Variants in BRWD1 observed in about 807,000 individuals in gnomAD.
BRWD1 encodes bromodomain and WD repeat-containing protein 1.
In BRWD1, 82 loss-of-function variants were observed where a neutral mutation model predicts 251.2. That is an observed-to-expected ratio of 0.33 (90% confidence interval 0.27 to 0.39). The LOEUF (loss-of-function observed/expected upper bound fraction) is 0.39. Ranked by LOEUF, BRWD1 falls within the 10% of genes least tolerant of loss-of-function variation. The probability of loss-of-function intolerance (pLI) is 1.00; values close to 1 mark genes in which losing one functional copy is unlikely to be tolerated. For missense variants in BRWD1, 2,233 were observed against 2,711.6 expected, an observed-to-expected ratio of 0.82 and a Z score of 3.92; for synonymous variants, 918 against 902.8, an observed-to-expected ratio of 1.02 and a Z score of -0.30.
At chr21:39,243,438 T>C (rs974760994) in intron 21 of BRWD1, among the ~76,000 whole-genome samples, 1 of 152,136 alleles carries the variant, frequency 6.6e-6, no homozygotes, top group Non-Finnish European at 1.5e-5. Context: ...ATATTGTTGT[T>C]TATTGCCTCA....
intron 4 of BRWD1, among the ~76,000 whole-genome samples, chr21:39,303,897 T>C (rs557358356): frequency 2.0e-5 from 3 of 151,122 alleles, no homozygotes; most frequent in East Asian, 2.0e-4. Flanking sequence ...ATCCCAGCAC[T>C]ATGGGATCCT....
chr21:39,278,908 T>A (rs1334216008), intron 9 of BRWD1, 95 bp from the exon 10 acceptor site: 1 of 998,890 alleles, frequency 1.0e-6, no homozygotes, highest in Admixed American at 3.0e-5. Flanking sequence ...TTAAATATTA[T>A]AATTTTTTAA....
chr21:39,296,254 A>G lies in BRWD1; in HGVS notation c.448+11T>C, dbSNP rs773667671. 1.9e-6 allele frequency: 3 copies of G among 1,582,224 alleles called. No individual in the cohort carries two copies. Among genetic ancestry groups the G allele is most frequent in the South Asian group, 2.4e-5 (2 of 84,708 alleles). ...ATTATTTCAGGCATCTCAAAGGCCA[A>G]CCTTACTTACCAAGATTTGGTGGGG... is the stretch of plus-strand genomic sequence containing the variant. On this transcript the variant is annotated intron_variant, in intron 6 of 40. Coordinates refer to ENST00000342449, the MANE Select transcript of BRWD1 (RefSeq NM_033656.4).
At chr21:39,302,257 TACAGGCGTGAGCCAC>T (rs1292740774) in intron 4 of BRWD1, among the ~76,000 whole-genome samples, 1 of 152,090 alleles carries the variant, frequency 6.6e-6, no homozygotes, top group Non-Finnish European at 1.5e-5. Context: ...GTGCTGGGAT[TACAGGCGTGAGCCAC>T]CAAGCCCAGC....
chr21:39,306,021 A>G (rs2036275942), intron 4 of BRWD1, among the ~76,000 whole-genome samples: 2 of 151,972 alleles, frequency 1.3e-5, no homozygotes, highest in Non-Finnish European at 2.9e-5. Context: ...CTGGACAACA[A>G]GAGACCCAAA....
At chr21:39,276,139 A>AAC (rs149667995) in intron 12 of BRWD1, 34 bp downstream of exon 12, 19,523 of 1,543,070 alleles carry the variant, frequency 0.013, 67 homozygotes, top group Non-Finnish European at 0.015. Flanking sequence ...TTTGCCTAAT[A>AAC]ACACACACAC....
chr21:39,304,853 T>C (rs1005069684), intron 4 of BRWD1, among the ~76,000 whole-genome samples: 5 of 151,840 alleles, frequency 3.3e-5, no homozygotes, highest in Admixed American at 3.3e-4. Context: ...TTCTAATATT[T>C]AAGGTCAATT....
At chr21:39,265,560 C>T (rs1034278395) in intron 15 of BRWD1, among the ~76,000 whole-genome samples, 1 of 152,196 alleles carries the variant, frequency 6.6e-6, no homozygotes, top group African/African-American at 2.4e-5. Context: ...ATTAGTTCTC[C>T]AAGTGCTCCA....
At chr21:39,286,272 C>T (rs1436700656) in intron 8 of BRWD1, among the ~76,000 whole-genome samples, 2 of 152,052 alleles carry the variant, frequency 1.3e-5, no homozygotes, top group African/African-American at 4.8e-5. Flanking sequence ...CCCGCCTCGG[C>T]CTCCCAAAGT....
In BRWD1 at chr21:39,195,112, C is replaced by A. The variant is rs1001525061; in HGVS notation, c.*1147G>T. The A allele has an allele frequency of 2.5e-6, 3 of 1,179,908 alleles. No individual in the cohort carries two copies. The highest frequency in any genetic ancestry group is 1.1e-6 in the Non-Finnish European group (1 of 950,866). 73.1% of individuals were successfully genotyped at this position (1,179,908 alleles called of 1,614,324 possible). ...AAAATTATTTTCCCACAAAACATGA[C>A]AGTTTCTTATATTTGGACTAGAAGT... On this transcript the variant is annotated 3_prime_UTR_variant, in exon 41 of 41. Transcript: ENST00000342449.
upstream of BRWD1, chr21:39,314,083 A>T (rs777393040): frequency 2.2e-6 from 1 of 455,996 alleles, no homozygotes; most frequent in South Asian, 1.5e-5. Flanking sequence ...CGGAAGGGTC[A>T]TTTCACGGAC....
chr21:39,307,608 A>C (rs545718448), intron 4 of BRWD1, among the ~76,000 whole-genome samples: 2 of 152,316 alleles, frequency 1.3e-5, no homozygotes, highest in South Asian at 4.1e-4. Flanking sequence ...TACCATTTTA[A>C]GTACTCTACA....
intron 19 of BRWD1, among the ~76,000 whole-genome samples, chr21:39,254,905 G>A (rs2034511705): frequency 6.6e-6 from 1 of 152,060 alleles, no homozygotes; most frequent in African/African-American, 2.4e-5. Context: ...TGAAACAACT[G>A]GAAATTTAAA....
rs2031851059 is a variant in BRWD1, at chr21:39,196,902, G to A, written c.6167C>T (p.Ser2056Leu). ...SSSVTSSGED[S>L]KSHIPGSETD... ...CTCACTCCCTGGAATATGACTTTTT[G>A]AATCTTCTCCTGAAGATGTAACAGA... is the stretch of plus-strand genomic sequence containing the variant. Residue 2056 changes from serine to leucine, a missense_variant, in exon 41 of 41, where the codon TCA becomes TTA. This residue lies in a region of BRWD1 where 928 missense variants were observed against 970.0 expected (regional missense o/e 0.96). Transcript: ENST00000342449. 1.2e-6 allele frequency: 2 copies of A among 1,613,790 alleles called. No homozygotes were observed. Among genetic ancestry groups the A allele is most frequent in the African/African-American group, 2.7e-5 (2 of 75,022 alleles).
Position 39,195,330 on chromosome 21 carries a change from A to C in BRWD1, c.*929T>G, listed in dbSNP as rs2146450131. 2 of 999,798 alleles carry C rather than the reference A, an allele frequency of 2.0e-6. No homozygotes were observed. Among genetic ancestry groups the C allele is most frequent in the Middle Eastern group, 5.1e-4 (1 of 1,958 alleles). The allele number at this position is 999,798 out of a possible 1,614,324, so 61.9% of individuals were successfully genotyped here. The stretch of plus-strand genomic sequence containing the variant: ...ATGGGGGAAACCTACATATTAACTT[A>C]AATACTCTTTTAGCCCTGTACACTC... On this transcript the variant is annotated 3_prime_UTR_variant, in exon 41 of 41. Transcript: ENST00000342449.
intron 4 of BRWD1, among the ~76,000 whole-genome samples, chr21:39,304,263 G>A (rs1383380729): frequency 6.8e-6 from 1 of 146,040 alleles, no homozygotes; most frequent in African/African-American, 2.6e-5. Context: ...AAAGAATAAA[G>A]AAAAAATGAG....
At chr21:39,290,491 A>AAAT (rs1491141780) in intron 8 of BRWD1, among the ~76,000 whole-genome samples, 1 of 100,798 alleles carries the variant, frequency 9.9e-6, no homozygotes, top group Non-Finnish European at 2.0e-5. Flanking sequence ...ACTCCGTCTC[A>AAAT]AAAAAAAAAA....
intron 17 of BRWD1, among the ~76,000 whole-genome samples, chr21:39,260,985 G>A (rs1314974361): frequency 1.3e-5 from 2 of 152,176 alleles, no homozygotes; most frequent in African/African-American, 2.4e-5. Flanking sequence ...TGCACTTTGG[G>A]AGGCTGAGGT....
At position 39,252,096 on chromosome 21, in the gene BRWD1, G is replaced by A. The variant is rs376180382; in HGVS notation, c.2256-1207C>T. 1.5e-3 allele frequency among the ~76,000 whole-genome samples: 234 copies of A among 151,634 alleles called. 5 individuals are homozygous for A. The South Asian group carries it at 0.039, about 25-fold the overall frequency. Reference sequence around the variant, plus strand: ...AGCCTGGCCAACATGATGAAACCCCGTCTCTACTAAAAATACAAAAAATTA... The same window carrying A: ...AGCCTGGCCAACATGATGAAACCCCATCTCTACTAAAAATACAAAAAATTA... On this transcript the variant is annotated intron_variant, in intron 19 of 40. Transcript: ENST00000342449.
Sources: allele counts gnomAD v4.1 joint callset (sites outside exome capture counted in the v4.1 genomes callset), GRCh38; gene constraint gnomAD v4.1.1; regional missense constraint gnomAD v4.1.1; transcripts MANE v1.5; gene names NCBI Gene and HGNC (gene_info 2026-07-23, HGNC 2026-07-21).